The following DOCK10 variants were observed in gnomAD, a reference collection of about 807,000 sequenced individuals.
DOCK10 encodes the protein dedicator of cytokinesis protein 10.
In DOCK10, 145 loss-of-function variants were observed where a neutral mutation model predicts 280.1. That is an observed-to-expected ratio of 0.52 (90% CI 0.45 to 0.59). The LOEUF (loss-of-function observed/expected upper bound fraction) is 0.59. Among genes scored for constraint, DOCK10 ranks in the 20% least tolerant of loss-of-function variants. The probability of loss-of-function intolerance (pLI) is 0.00; values close to 1 mark genes in which losing one functional copy is unlikely to be tolerated. For synonymous variants in DOCK10, 915 were observed against 942.2 expected (o/e 0.97, Z 0.53); for missense variants, 2,368 against 2,651.7 (o/e 0.89, Z 2.35).
At chr2:224,852,747 C>A (rs1034685127) in intron 17 of DOCK10, among the ~76,000 whole-genome samples, 188 bp downstream of exon 17, 1 of 152,160 alleles carries the variant, frequency 6.6e-6, no homozygotes, top group Admixed American at 6.5e-5. Context: ...TAATATGCTA[C>A]GAAACTGCAT....
chr2:225,039,249 A>G (rs1690346629), intron 1 of DOCK10, among the ~76,000 whole-genome samples: 1 of 152,190 alleles, frequency 6.6e-6, no homozygotes, highest in South Asian at 2.1e-4. Context: ...AAATGTTTCT[A>G]ATCATTTTCG....
In DOCK10 at chr2:224,774,803, T is replaced by C. The variant is rs568496962; in HGVS notation, c.6013+102A>G. 35 of 1,080,184 alleles carry C rather than the reference T, an allele frequency of 3.2e-5. No individual in the cohort carries two copies. The South Asian group carries it at 4.1e-4, about 13-fold the overall frequency. 66.9% of individuals were successfully genotyped at this position (1,080,184 alleles called of 1,614,324 possible). The stretch of plus-strand genomic sequence containing the variant: ...CCAGTTAGCACATGTTGGGTACTTC[T>C]CTGCAGGACTGAAATAACTCTTGAT... On this transcript the variant is annotated intron_variant, in intron 52 of 55. Transcript: ENST00000258390.
chr2:224,913,509 AGT>A (rs1701146701), intron 3 of DOCK10, among the ~76,000 whole-genome samples: 1 of 151,994 alleles, frequency 6.6e-6, no homozygotes, highest in African/African-American at 2.4e-5. Context: ...AGTGTGTGTG[AGT>A]GTGTGTGTTC....
intron 1 of DOCK10, among the ~76,000 whole-genome samples, chr2:224,987,017 C>T (rs1462561702): frequency 6.6e-6 from 1 of 152,172 alleles, no homozygotes; most frequent in Non-Finnish European, 1.5e-5. Context: ...TTTTGCTGCA[C>T]CTGCCTGCCC....
chr2:224,961,428 TTCTTTC>T (rs897582312), intron 1 of DOCK10, among the ~76,000 whole-genome samples: 1 of 124,610 alleles, frequency 8.0e-6, no homozygotes, highest in Non-Finnish European at 1.7e-5. Flanking sequence ...CTTTCTTTCT[TTCTTTC>T]TTTCTTTCTT....
intron 1 of DOCK10, among the ~76,000 whole-genome samples, chr2:224,973,407 A>C (rs2126217624): frequency 6.6e-6 from 1 of 152,230 alleles, no homozygotes; most frequent in East Asian, 1.9e-4. Flanking sequence ...GGTCCTTACG[A>C]GTGAAAGAGG....
At chr2:224,804,254 G>T in intron 38 of DOCK10, 41 bp from the exon 39 acceptor site, 1 of 1,204,772 alleles carries the variant, frequency 8.3e-7, no homozygotes, top group Non-Finnish European at 1.2e-6. Flanking sequence ...CTCAGTGTTT[G>T]TAATTTACAT....
At chr2:224,797,683 A>AC in intron 42 of DOCK10, 149 bp downstream of exon 42, 1 of 848,150 alleles carries the variant, frequency 1.2e-6, no homozygotes, top group Non-Finnish European at 1.8e-6. Flanking sequence ...TCATTTTGAG[A>AC]CCAGGAATCA....
rs775514110 is a variant in DOCK10 at position 224,787,369 on chromosome 2, C to A, written c.5447G>T (p.Cys1816Phe). The stretch of plus-strand genomic sequence containing the variant: ...CTCAGACTTCCAGAGAAACTCCACA[C>A]ACATGTATAGCTGCTCCACCAGGAT... ...ENILVEQLYMCVEFLWKSERY... is the reference protein window; with the variant it reads ...ENILVEQLYMFVEFLWKSERY... Residue 1816 changes from cysteine (C) to phenylalanine (F), a missense_variant, in exon 49 of 56, where the codon TGT becomes TTT. Cys to Phe is a radical substitution (Grantham distance 205). Coordinates refer to ENST00000258390, the MANE Select transcript of DOCK10 (RefSeq NM_014689.3). 6.2e-7 allele frequency: 1 copy of A among 1,613,994 alleles called. No homozygotes were observed. Among genetic ancestry groups the A allele is most frequent in the Non-Finnish European group, 8.5e-7 (1 of 1,179,874 alleles).
intron 1 of DOCK10, among the ~76,000 whole-genome samples, chr2:224,993,662 T>A (rs2126273392): frequency 6.6e-6 from 1 of 152,278 alleles, no homozygotes; most frequent in South Asian, 2.1e-4. Flanking sequence ...TGTTTTATTT[T>A]CAAGCGTAAC....
At chr2:224,844,134 T>C (rs1696167952) in intron 22 of DOCK10, among the ~76,000 whole-genome samples, 1 of 152,152 alleles carries the variant, frequency 6.6e-6, no homozygotes, top group African/African-American at 2.4e-5. Flanking sequence ...CTTTATTTTT[T>C]TATTATTATT....
At chr2:224,891,813 T>C (rs1005551453) in intron 4 of DOCK10, among the ~76,000 whole-genome samples, 2 of 152,226 alleles carry the variant, frequency 1.3e-5, no homozygotes, top group South Asian at 4.1e-4. Context: ...GCTAGGGTTG[T>C]AGTGAATGTA....
At position 224,962,339 on chromosome 2, in the gene DOCK10, C is replaced by T. The variant is rs79371201; in HGVS notation, c.124-30671G>A. On this transcript the variant is annotated intron_variant, in intron 1 of 55. Coordinates refer to ENST00000258390, the MANE Select transcript of DOCK10 (RefSeq NM_014689.3). ...TCAGCACAATAGAGTGAGGCATGAA[C>T]AAATTTTCATGGTTGTATAGTAAGC... Among the ~76,000 whole-genome samples the T allele has an allele frequency of 4.4e-3, 673 of 152,212 alleles. 6 individuals are homozygous for T. The highest frequency in any genetic ancestry group is 0.014 in the African/African-American group (572 of 41,528).
intron 2 of DOCK10, among the ~76,000 whole-genome samples, chr2:224,926,014 A>G (rs1575068927): frequency 6.6e-6 from 1 of 152,150 alleles, no homozygotes; most frequent in African/African-American, 2.4e-5. Flanking sequence ...TAAAGTTTCT[A>G]TTACTACCAG....
intron 2 of DOCK10, among the ~76,000 whole-genome samples, chr2:224,926,443 G>A (rs1286109301): frequency 6.6e-6 from 1 of 152,216 alleles, no homozygotes; most frequent in African/African-American, 2.4e-5. Flanking sequence ...GCTCACGCCT[G>A]TAATCCCAGC....
At chr2:224,782,280 C>T (rs1349941590) in intron 50 of DOCK10, among the ~76,000 whole-genome samples, 1 of 152,144 alleles carries the variant, frequency 6.6e-6, no homozygotes, top group Non-Finnish European at 1.5e-5. Flanking sequence ...TGCAAGTACA[C>T]CCATATAGGC....
intron 51 of DOCK10, among the ~76,000 whole-genome samples, chr2:224,776,272 A>G (rs1225986306): frequency 4.6e-5 from 7 of 152,202 alleles, no homozygotes; most frequent in Non-Finnish European, 1.0e-4. Flanking sequence ...TAATGCTACT[A>G]CTAATTACAC....
chr2:224,779,950 T>G (rs867157341), intron 50 of DOCK10, among the ~76,000 whole-genome samples: 1 of 152,166 alleles, frequency 6.6e-6, no homozygotes, highest in African/African-American at 2.4e-5. Context: ...GCATGCCCAG[T>G]GTTTAGCACA....
chr2:224,918,395 G>A (rs562419223), intron 2 of DOCK10, among the ~76,000 whole-genome samples: 1 of 151,072 alleles, frequency 6.6e-6, no homozygotes, highest in African/African-American at 2.4e-5. Context: ...TGTGTGGAGT[G>A]TGTGTGCATG....
Sources: gnomAD v4.1 joint callset for allele counts (sites outside exome capture counted in the v4.1 genomes callset) on GRCh38, gnomAD v4.1.1 for gene constraint, MANE v1.5 for transcripts, NCBI Gene and HGNC (gene_info 2026-07-23, HGNC 2026-07-21) for gene names.